Variants in DCAF8 observed in about 807,000 individuals in gnomAD.
DCAF8 encodes DDB1 and CUL4 associated factor 8, also known as DDB1- and CUL4-associated factor 8.
In DCAF8, 20 loss-of-function variants were observed where a neutral mutation model predicts 68.0. The observed-to-expected ratio is 0.29, with a 90% CI of 0.21 to 0.43. DCAF8 has a LOEUF of 0.43. Among genes scored for constraint, DCAF8 ranks in the 20% least tolerant of loss-of-function variants. DCAF8 has a pLI of 1.00. For missense variants in DCAF8, 460 were observed against 771.0 expected (o/e 0.60, Z 4.78); for synonymous variants, 230 against 276.9 (o/e 0.83, Z 1.68).
At chr1:160,237,067 C>T in intron 6 of DCAF8, 68 bp downstream of exon 6, 1 of 1,179,594 alleles carries the variant, frequency 8.5e-7, no homozygotes, top group Non-Finnish European at 1.2e-6. Context: ...TTAGGCATTA[C>T]CAAGACATAT....
intron 2 of DCAF8, among the ~76,000 whole-genome samples, chr1:160,245,524 G>T (rs1482429551): frequency 1.3e-5 from 2 of 152,172 alleles, no homozygotes; most frequent in African/African-American, 2.4e-5. Flanking sequence ...AAAGACAGTA[G>T]CCCAAAGATT....
At chr1:160,244,191 T>C (rs1656230089) in intron 2 of DCAF8, among the ~76,000 whole-genome samples, 157 bp from the exon 3 acceptor site, 1 of 152,238 alleles carries the variant, frequency 6.6e-6, no homozygotes, top group Admixed American at 6.5e-5. Context: ...TGTGAAATTT[T>C]TTCTTCCTTA....
In DCAF8 at chr1:160,239,904, C is replaced by A. The variant is rs1192540937; in HGVS notation, c.516G>T (p.Glu172Asp). 2.5e-6 allele frequency: 4 copies of A among 1,614,236 alleles called. No homozygotes were observed. The highest frequency in any genetic ancestry group is 3.4e-6 in the Non-Finnish European group (4 of 1,180,048). ...ELGSSARFVYEACGARVFVQR... is the reference protein window; with the variant it reads ...ELGSSARFVYDACGARVFVQR... ...GCACAAAGACTCTTGCCCCACAGGC[C>A]TCATAGACAAAGCGGGCACTTGAAC... The change falls in exon 4 of 14, where the codon GAG becomes GAT. Residue 172 changes from glutamate to aspartate, a missense_variant. Glu to Asp is a conservative substitution (Grantham distance 45, BLOSUM62 2). Transcript: ENST00000368074.
chr1:160,257,134 T>G (rs542855566), intron 2 of DCAF8, among the ~76,000 whole-genome samples: 5 of 152,358 alleles, frequency 3.3e-5, no homozygotes, highest in African/African-American at 1.2e-4. Context: ...TAAAACTCAC[T>G]GGCTTTTGGC....
At chr1:160,251,178 T>G (rs939000159) in intron 2 of DCAF8, among the ~76,000 whole-genome samples, 2 of 152,162 alleles carry the variant, frequency 1.3e-5, no homozygotes, top group African/African-American at 4.8e-5. Context: ...CAATTATTAT[T>G]AAGACAGAGA....
At position 160,245,225 on chromosome 1, in the gene DCAF8, A is replaced by AT. The variant is rs551380867; in HGVS notation, c.-26-1192dup. ...TTTTATGCCACTATAAAACATTCAT[A>AT]TTTTTTTCAGAGCCTCACTGCCACC... On this transcript the variant is annotated intron_variant, in intron 2 of 13. Coordinates refer to ENST00000368074, the MANE Select transcript of DCAF8 (RefSeq NM_015726.4). 3.3e-5 allele frequency among the ~76,000 whole-genome samples: 5 copies of AT among 152,278 alleles called. No homozygotes were observed. In the East Asian group the frequency reaches 7.7e-4, roughly 23 times the overall value.
chr1:160,231,471 G>A, intron 6 of DCAF8, 64 bp from the exon 7 acceptor site: 1 of 1,116,960 alleles, frequency 9.0e-7, no homozygotes. Flanking sequence ...CATGGCAAAG[G>A]AGAGCCAAGA....
chr1:160,235,360 C>G (rs1655832477), intron 6 of DCAF8, among the ~76,000 whole-genome samples: 1 of 151,998 alleles, frequency 6.6e-6, no homozygotes, highest in Non-Finnish European at 1.5e-5. Context: ...TCTCGAACTC[C>G]TGACCTCAAG....
At chr1:160,236,267 C>T (rs1399636651) in intron 6 of DCAF8, among the ~76,000 whole-genome samples, 1 of 151,892 alleles carries the variant, frequency 6.6e-6, no homozygotes, top group Non-Finnish European at 1.5e-5. Flanking sequence ...CACACAAACA[C>T]ACACACACAT....
At position 160,238,700 on chromosome 1, in the gene DCAF8, G is replaced by A. The variant is rs1320127894; in HGVS notation, c.771C>T (p.Ala257=). 2 of 1,613,714 alleles carry A rather than the reference G, an allele frequency of 1.2e-6. No individual in the cohort carries two copies. The highest frequency in any genetic ancestry group is 2.2e-5 in the South Asian group (2 of 90,964). Residue 257 remains alanine, a synonymous_variant, in exon 5 of 14, where the codon GCC becomes GCT. Transcript: ENST00000368074. ...CTGCTACTCGAACCTGCCCGTCACG[G>A]GCACACATGGCCAGAGTAGAATCAC... The part of the protein sequence containing the change: ...NSGDSTLAMC[A]RDGQVRVAEL...
At chr1:160,262,246 G>C in intron 1 of DCAF8, 1 of 398,482 alleles carries the variant, frequency 2.5e-6, no homozygotes. Context: ...GCGAGGGGGG[G>C]CGCAGGCCGA....
rs1655339738 is a variant in DCAF8 at position 160,222,742 on chromosome 1, A to T, written c.1349T>A (p.Val450Glu). Residue 450 changes from valine to glutamate, a missense_variant, in exon 11 of 14, where the codon GTG becomes GAG. Transcript: ENST00000368074. ...GTGCCCACAGTCACTACCGCTCACCACAAACTCACTCTTGGGGCCATAGAA... is the reference window on the plus strand; with the variant it reads ...GTGCCCACAGTCACTACCGCTCACCTCAAACTCACTCTTGGGGCCATAGAA... ...VNFYGPKSEF[V>E]VSGSDCGHIF... 6.2e-7 allele frequency: 1 copy of T among 1,614,086 alleles called. No homozygotes were observed. The highest frequency in any genetic ancestry group is 8.5e-7 in the Non-Finnish European group (1 of 1,180,046).
Position 160,244,011 on chromosome 1 carries a change from T to C in DCAF8, c.-3A>G. The C allele has an allele frequency of 6.2e-7, 1 of 1,614,170 alleles. No homozygotes were observed. Among genetic ancestry groups the C allele is most frequent in the Non-Finnish European group, 8.5e-7 (1 of 1,180,012 alleles). The stretch of plus-strand genomic sequence containing the variant: ...GTGCTGCTCCCTTTGCTGGACATCT[T>C]GAATGATGTTTGCTGTAGCCAGCCT... On this transcript the variant is annotated 5_prime_UTR_variant, in exon 3 of 14. Coordinates refer to ENST00000368074, the MANE Select transcript of DCAF8 (RefSeq NM_015726.4).
chr1:160,258,332 A>T (rs1656922174), intron 2 of DCAF8, among the ~76,000 whole-genome samples: 1 of 152,170 alleles, frequency 6.6e-6, no homozygotes, highest in South Asian at 2.1e-4. Flanking sequence ...ACAGAGTGAG[A>T]TCCTATTTCA....
At position 160,262,259 on chromosome 1, in the gene DCAF8, C is replaced by T; in HGVS notation, c.-101+190G>A. On this transcript the variant is annotated intron_variant, in intron 1 of 13. Transcript: ENST00000368074. ...AAGCGAGGGGGGGCGCAGGCCGAGCCGGAACGAGACACAGACCGGGTAGGT... is the reference window on the plus strand; with the variant it reads ...AAGCGAGGGGGGGCGCAGGCCGAGCTGGAACGAGACACAGACCGGGTAGGT... 1 of 398,742 alleles carries T rather than the reference C, an allele frequency of 2.5e-6. No individual in the cohort carries two copies. The highest frequency in any genetic ancestry group is 4.4e-6 in the Non-Finnish European group (1 of 226,436). The allele number at this position is 398,742 out of a possible 1,614,324, so 24.7% of individuals were successfully genotyped here.
intron 3 of DCAF8, among the ~76,000 whole-genome samples, chr1:160,242,690 C>T (rs1280575419): frequency 6.6e-6 from 1 of 151,998 alleles, no homozygotes; most frequent in Non-Finnish European, 1.5e-5. Context: ...CTTTGCAGAC[C>T]ATACGGAGCT....
chr1:160,238,958 G>A, intron 4 of DCAF8: 1 of 617,600 alleles, frequency 1.6e-6, no homozygotes, highest in Non-Finnish European at 2.5e-6. Context: ...ATGTAAGAGA[G>A]CATTTCAGTT....
intron 13 of DCAF8, 66 bp from the exon 14 acceptor site, chr1:160,217,774 A>G (rs1222149614): frequency 3.0e-6 from 4 of 1,326,788 alleles, no homozygotes; most frequent in South Asian, 1.2e-5. Context: ...GTTAGGTCTT[A>G]GCCAGAATTT....
At position 160,248,654 on chromosome 1, in the gene DCAF8, G is replaced by A. The variant is rs557324154; in HGVS notation, c.-26-4620C>T. Among the ~76,000 whole-genome samples the A allele has an allele frequency of 5.3e-5, 8 of 151,776 alleles. No homozygotes were observed. In the South Asian group the frequency reaches 1.5e-3, roughly 28 times the overall value. On this transcript the variant is annotated intron_variant, in intron 2 of 13. Transcript: ENST00000368074. ...GGAGGAGGAGGTTGCAGTGAGCTGCGATCGCGCCACTGCACTCCAGCCTGG... is the reference window on the plus strand; with the variant it reads ...GGAGGAGGAGGTTGCAGTGAGCTGCAATCGCGCCACTGCACTCCAGCCTGG...
Sources: gnomAD v4.1 joint callset for allele counts (sites outside exome capture counted in the v4.1 genomes callset) on GRCh38, gnomAD v4.1.1 for gene constraint, MANE v1.5 for transcripts, NCBI Gene and HGNC (gene_info 2026-07-23, HGNC 2026-07-21) for gene names.